Variants in CLSTN1 observed in about 807,000 individuals in gnomAD.
CLSTN1 encodes calsyntenin 1.
A neutral mutation model predicts 108.3 loss-of-function variants in CLSTN1; 28 were observed. That is an observed-to-expected ratio of 0.26 (90% CI 0.19 to 0.35). The LOEUF (loss-of-function observed/expected upper bound fraction) is 0.35. Among genes scored for constraint, CLSTN1 ranks in the 10% least tolerant of loss-of-function variants. The pLI, the probability that CLSTN1 is intolerant of heterozygous loss-of-function variation, is 1.00. For missense variants in CLSTN1, 1,157 were observed against 1,302.6 expected (o/e 0.89, Z 1.72); for synonymous variants, 524 against 534.9 (o/e 0.98, Z 0.28).
intron 1 of CLSTN1, among the ~76,000 whole-genome samples, chr1:9,781,735 G>C (rs748637234): frequency 6.6e-6 from 1 of 152,078 alleles, no homozygotes; most frequent in East Asian, 1.9e-4. Context: ...GAGTCACCGC[G>C]CCCAGCTTAT....
At chr1:9,797,892 G>A (rs1471127138) in intron 1 of CLSTN1, among the ~76,000 whole-genome samples, 2 of 151,718 alleles carry the variant, frequency 1.3e-5, no homozygotes, top group African/African-American at 2.4e-5. Context: ...CCAGGAGTTC[G>A]AGGCCAGCCT....
At chr1:9,822,838 A>G (rs1287721778) in intron 1 of CLSTN1, among the ~76,000 whole-genome samples, 1 of 152,166 alleles carries the variant, frequency 6.6e-6, no homozygotes, top group Non-Finnish European at 1.5e-5. Context: ...AAAACCAGAG[A>G]GGTTTCTCGT....
intron 12 of CLSTN1, 122 bp from the exon 13 acceptor site, chr1:9,735,737 A>T: frequency 6.6e-7 from 1 of 1,509,088 alleles, no homozygotes; most frequent in Non-Finnish European, 9.0e-7. Flanking sequence ...CTTGAAAAAG[A>T]AAAGCTCGTT....
At chr1:9,743,294 C>T (rs1256875946) in intron 9 of CLSTN1, among the ~76,000 whole-genome samples, 1 of 152,188 alleles carries the variant, frequency 6.6e-6, no homozygotes, top group Non-Finnish European at 1.5e-5. Flanking sequence ...TGCGGCCGGG[C>T]ACAGTGGCTC....
chr1:9,751,677 T>C lies in CLSTN1; in HGVS notation c.445A>G (p.Thr149Ala). ...ACGTCGTTCACCTGAATATGAACAG[T>C]TGCTCTGGACAAAGGGAGGGAGAAA... Reference protein sequence around the residue: ...GTNVKKSHKATVHIQVNDVNE... With the variant: ...GTNVKKSHKAAVHIQVNDVNE... The change falls in exon 5 of 19, where the codon ACT becomes GCT. Residue 149 changes from threonine to alanine, a missense_variant. Coordinates refer to ENST00000377298, the MANE Select transcript of CLSTN1 (RefSeq NM_001009566.3). 1 of 1,614,032 alleles carries C rather than the reference T, an allele frequency of 6.2e-7. No individual in the cohort carries two copies. Among genetic ancestry groups the C allele is most frequent in the Non-Finnish European group, 8.5e-7 (1 of 1,179,924 alleles).
intron 1 of CLSTN1, among the ~76,000 whole-genome samples, chr1:9,817,229 T>C (rs1315411594): frequency 6.6e-6 from 1 of 152,236 alleles, no homozygotes; most frequent in Non-Finnish European, 1.5e-5. Flanking sequence ...TAATGATTCA[T>C]GTCTGACCAA....
At position 9,761,536 on chromosome 1, in the gene CLSTN1, A is replaced by G. The variant is rs79640102; in HGVS notation, c.215-5026T>C. ...TTAAAAATTTTTTTAAGGAATTTTT[A>G]AAGCAAAACATAAAAATATGAAAAA... On this transcript the variant is annotated intron_variant, in intron 2 of 18. Transcript: ENST00000377298. 8.9e-4 allele frequency among the ~76,000 whole-genome samples: 135 copies of G among 152,282 alleles called. 2 individuals carry two copies. The East Asian group carries it at 0.023, about 26-fold the overall frequency.
At chr1:9,744,244 A>T in intron 8 of CLSTN1, 151 bp downstream of exon 8, 1 of 1,236,018 alleles carries the variant, frequency 8.1e-7, no homozygotes, top group Non-Finnish European at 1.1e-6. Flanking sequence ...CCGTGGCTCT[A>T]GGGAACCAAG....
rs753456275 is a variant in CLSTN1 at position 9,823,315 on chromosome 1, C to T, written c.91+328G>A. Among the ~76,000 whole-genome samples the T allele has an allele frequency of 3.9e-5, 6 of 152,218 alleles. No individual in the cohort carries two copies. The highest frequency in any genetic ancestry group is 8.8e-5 in the Non-Finnish European group (6 of 68,030). ...CCGTCTGCACGTTCCCCCAAATCAG[C>T]GCAGCCACCACCATGGGCTGCAGTG... On this transcript the variant is annotated intron_variant, in intron 1 of 18. Coordinates refer to ENST00000377298, the MANE Select transcript of CLSTN1 (RefSeq NM_001009566.3). The surrounding 1 kb of genome is among the most constrained non-coding windows in gnomAD (Gnocchi z 6.3).
At chr1:9,782,867 C>G (rs917200075) in intron 1 of CLSTN1, among the ~76,000 whole-genome samples, 1 of 152,148 alleles carries the variant, frequency 6.6e-6, no homozygotes, top group South Asian at 2.1e-4. Context: ...ATTAGCCGGG[C>G]GTGGTGGCAC....
In CLSTN1 at chr1:9,735,010, C is replaced by T. The variant is rs776252132; in HGVS notation, c.2048G>A (p.Arg683His). 1.1e-5 allele frequency: 18 copies of T among 1,614,076 alleles called. No individual in the cohort carries two copies. Among genetic ancestry groups the T allele is most frequent in the Admixed American group, 5.0e-5 (3 of 60,006 alleles). ...TTCTCTCGTGATGGTGCTGATGATG[C>T]GAAGCTCAGGGAAAAGGAACACCCC... ...SEGVFLFPELRIISTITREVE... is the reference protein window; with the variant it reads ...SEGVFLFPELHIISTITREVE... Residue 683 changes from arginine (R) to histidine (H), a missense_variant, in exon 14 of 19, where the codon CGC becomes CAC. Arg to His is a conservative substitution (Grantham distance 29). Coordinates refer to ENST00000377298, the MANE Select transcript of CLSTN1 (RefSeq NM_001009566.3).
intron 1 of CLSTN1, among the ~76,000 whole-genome samples, chr1:9,780,577 G>A (rs556037715): frequency 6.6e-6 from 1 of 152,194 alleles, no homozygotes; most frequent in South Asian, 2.1e-4. Context: ...AATGAGATCT[G>A]GCCAGTTCCA....
rs911281272 is a variant in CLSTN1 at position 9,734,460 on chromosome 1, A to G, written c.2111-318T>C. Among the ~76,000 whole-genome samples, 6 of 151,898 alleles carry G rather than the reference A, an allele frequency of 4.0e-5. No individual in the cohort carries two copies. ...CGTTGTGGCAGGTCCCTGTAATCCC[A>G]GCTATTCGGGAGGCTGAGGCAGGAG... On this transcript the variant is annotated intron_variant, in intron 14 of 18. Transcript: ENST00000377298. The surrounding 1 kb of genome is among the most constrained non-coding windows in gnomAD (Gnocchi z 4.8).
intron 1 of CLSTN1, among the ~76,000 whole-genome samples, chr1:9,778,478 T>A (rs958903134): frequency 1.3e-5 from 2 of 152,152 alleles, no homozygotes; most frequent in African/African-American, 4.8e-5. Flanking sequence ...TGTTTTTTTT[T>A]ATTTTTGTTT....
chr1:9,768,322 G>A (rs1652456300), intron 2 of CLSTN1, among the ~76,000 whole-genome samples: 1 of 148,428 alleles, frequency 6.7e-6, no homozygotes, highest in African/African-American at 2.5e-5. Flanking sequence ...GCGGCACCAT[G>A]GGGGCGGAGT....
chr1:9,794,279 T>C (rs896416273), intron 1 of CLSTN1, among the ~76,000 whole-genome samples: 4 of 151,392 alleles, frequency 2.6e-5, no homozygotes, highest in South Asian at 2.2e-4. Flanking sequence ...TATCAGAACA[T>C]TTCCAACTGT....
chr1:9,816,510 T>G (rs1478550493), intron 1 of CLSTN1, among the ~76,000 whole-genome samples: 1 of 150,554 alleles, frequency 6.6e-6, no homozygotes, highest in Admixed American at 6.7e-5. Flanking sequence ...TTATGGTATG[T>G]GAACTATACC....
intron 17 of CLSTN1, 150 bp from the exon 18 acceptor site, chr1:9,731,540 G>A (rs1650393072): frequency 4.0e-6 from 4 of 999,446 alleles, no homozygotes; most frequent in Admixed American, 2.3e-5. Context: ...GGAAAAGCTC[G>A]CCATGGGCCT....
At chr1:9,744,373 G>A (rs376585541) in intron 8 of CLSTN1, 22 bp downstream of exon 8, 136 of 1,589,162 alleles carry the variant, frequency 8.6e-5, no homozygotes, top group Non-Finnish European at 1.1e-4. Flanking sequence ...GCCTGGCATC[G>A]CTTGCAGAGC....
Sources: gnomAD v4.1 joint callset for allele counts (sites outside exome capture counted in the v4.1 genomes callset) on GRCh38, gnomAD v4.1.1 for gene constraint, Gnocchi (gnomAD v3.1) non-coding constraint, MANE v1.5 for transcripts, NCBI Gene and HGNC (gene_info 2026-07-23, HGNC 2026-07-21) for gene names.